The following MTUS2 variants were observed in gnomAD, a reference collection of about 807,000 sequenced individuals.
MTUS2 encodes microtubule-associated tumor suppressor candidate 2.
Under a neutral mutation model 114.1 loss-of-function variants are expected in MTUS2, and 40 were observed. The observed-to-expected ratio is 0.35, with a 90% CI of 0.27 to 0.46. The LOEUF is 0.46. Among genes scored for constraint, MTUS2 ranks in the 20% least tolerant of loss-of-function variants. The probability of loss-of-function intolerance (pLI) is 1.00; values close to 1 mark genes in which losing one functional copy is unlikely to be tolerated. For missense variants in MTUS2, 1,679 were observed against 1,705.4 expected, an observed-to-expected ratio of 0.98 and a Z score of 0.27; for synonymous variants, 688 against 672.0, an observed-to-expected ratio of 1.02 and a Z score of -0.37.
At chr13:29,459,159 C>T (rs7335252) in intron 9 of MTUS2, among the ~76,000 whole-genome samples, 9,787 of 152,270 alleles carry the variant, frequency 0.064, 355 homozygotes, top group African/African-American at 0.086. Context: ...AAAATGGAGC[C>T]TCTAGTGGGG....
At chr13:29,137,471 G>A (rs563158714) in intron 5 of MTUS2, among the ~76,000 whole-genome samples, 12 of 151,762 alleles carry the variant, frequency 7.9e-5, no homozygotes, top group Non-Finnish European at 1.3e-4. Context: ...TGGGACTACC[G>A]CAGTGTATTG....
At chr13:29,297,774 A>G (rs1053929935) in intron 6 of MTUS2, among the ~76,000 whole-genome samples, 1 of 152,192 alleles carries the variant, frequency 6.6e-6, no homozygotes, top group Non-Finnish European at 1.5e-5. Context: ...ATCCACTCCT[A>G]TAATATTGAT....
chr13:28,838,057 C>T (rs942845600), intron 1 of MTUS2, among the ~76,000 whole-genome samples: 11 of 152,128 alleles, frequency 7.2e-5, no homozygotes, highest in African/African-American at 2.7e-4. Flanking sequence ...TGATTTTAAT[C>T]TTACATCTTA....
At chr13:29,460,332 A>G (rs1244547699) in intron 9 of MTUS2, among the ~76,000 whole-genome samples, 1 of 152,036 alleles carries the variant, frequency 6.6e-6, no homozygotes, top group Non-Finnish European at 1.5e-5. Flanking sequence ...CTCCAATCAT[A>G]ATGGCTGCCA....
chr13:29,433,018 C>T (rs1212336939), intron 8 of MTUS2, among the ~76,000 whole-genome samples: 4 of 152,160 alleles, frequency 2.6e-5, no homozygotes, highest in Admixed American at 2.6e-4. Context: ...TGGATTAAAA[C>T]GCAGGCAACT....
rs35983023 is a variant in MTUS2 at position 29,488,437 on chromosome 13, CTTTTTTTTTTTT to C, written c.3505+442_3505+453del. Among the ~76,000 whole-genome samples, 8 of 113,772 alleles carry C rather than the reference CTTTTTTTTTTTT, an allele frequency of 7.0e-5. No individual in the cohort carries two copies. The East Asian group carries it at 1.4e-3, about 20-fold the overall frequency. The allele number at this position is 113,772 out of a possible 152,430, so 74.6% of individuals were successfully genotyped here. A position where few individuals can be genotyped will look rare whatever the true frequency, so the allele number is the denominator to read the frequency against. On this transcript the variant is annotated intron_variant, in intron 11 of 15. Transcript: ENST00000612955. Reference sequence around the variant, plus strand: ...GAAATCGTGCACTTTTTTTTTTCCTCTTTTTTTTTTTTTTTTTTTTTGAGACAGAGTCTCACT... The same window carrying C: ...GAAATCGTGCACTTTTTTTTTTCCTCTTTTTTTTTGAGACAGAGTCTCACT...
rs147335619 is a variant in MTUS2 at position 29,093,471 on chromosome 13, T to C, written c.2447-7302T>C. Among the ~76,000 whole-genome samples, 1,441 of 152,064 alleles carry C rather than the reference T, an allele frequency of 9.5e-3. 22 individuals carry two copies. The highest frequency in any genetic ancestry group is 0.033 in the African/African-American group (1,369 of 41,478). On this transcript the variant is annotated intron_variant, in intron 4 of 15. Coordinates refer to ENST00000612955, the MANE Select transcript of MTUS2 (RefSeq NM_001033602.4). ...AAACAGAAAACAAAAAACTATGGAG[T>C]CTGATCGTTTATGATAATTCCTAAG...
At chr13:29,041,170 G>A (rs946034475) in intron 4 of MTUS2, among the ~76,000 whole-genome samples, 1 of 151,624 alleles carries the variant, frequency 6.6e-6, no homozygotes, top group East Asian at 1.9e-4. Flanking sequence ...CATTATTCTT[G>A]CCAATTATCC....
chr13:29,283,544 ATCAACCCTATAGCCCAGTGTTTC>A (rs1898359264), intron 6 of MTUS2, among the ~76,000 whole-genome samples: 5 of 152,208 alleles, frequency 3.3e-5, no homozygotes, highest in African/African-American at 1.2e-4. Flanking sequence ...CGGTGGTTGA[ATCAACCCTATAGCCCAGTGTTTC>A]TCAAGCTTTA....
At chr13:29,000,240 G>A (rs1001846002) in intron 2 of MTUS2, among the ~76,000 whole-genome samples, 6 of 152,132 alleles carry the variant, frequency 3.9e-5, no homozygotes, top group Non-Finnish European at 7.3e-5. Flanking sequence ...TTTCTTGCAC[G>A]GCAGGTATAG....
At chr13:29,032,980 A>G (rs1368099250) in intron 3 of MTUS2, among the ~76,000 whole-genome samples, 1 of 152,214 alleles carries the variant, frequency 6.6e-6, no homozygotes, top group Non-Finnish European at 1.5e-5. Context: ...CACTGATAAT[A>G]TGAACAGACT....
At chr13:29,176,450 C>T (rs527991606) in intron 5 of MTUS2, among the ~76,000 whole-genome samples, 21 of 152,258 alleles carry the variant, frequency 1.4e-4, no homozygotes, top group African/African-American at 3.4e-4. Context: ...CTATCTCGTG[C>T]GGCTCACAGA....
At chr13:28,917,757 A>G (rs1033026550) in intron 2 of MTUS2, among the ~76,000 whole-genome samples, 4 of 151,714 alleles carry the variant, frequency 2.6e-5, no homozygotes, top group African/African-American at 9.7e-5. Flanking sequence ...TTAGTCTACT[A>G]ATTTTGGGTT....
In MTUS2 at chr13:29,086,441, G is replaced by A. The variant is rs372185473; in HGVS notation, c.2447-14332G>A. 2.0e-5 allele frequency among the ~76,000 whole-genome samples: 3 copies of A among 151,958 alleles called. No individual in the cohort carries two copies. The East Asian group carries it at 5.8e-4, about 29-fold the overall frequency. The stretch of plus-strand genomic sequence containing the variant: ...AAGTCTTCAAGATTGTAGGTGTGTG[G>A]TTTTTATTTCTGGCTTCTTTAACCT... On this transcript the variant is annotated intron_variant, in intron 4 of 15. Coordinates refer to ENST00000612955, the MANE Select transcript of MTUS2 (RefSeq NM_001033602.4).
chr13:28,922,192 G>A (rs1208722736), intron 2 of MTUS2, among the ~76,000 whole-genome samples: 2 of 152,076 alleles, frequency 1.3e-5, no homozygotes, highest in Admixed American at 6.5e-5. Context: ...TCCCCTTCAC[G>A]CTTCCACCAT....
chr13:29,164,696 AAAAG>A (rs1893241803), intron 5 of MTUS2, among the ~76,000 whole-genome samples: 1 of 152,218 alleles, frequency 6.6e-6, no homozygotes, highest in African/African-American at 2.4e-5. Context: ...CAGCATATTA[AAAAG>A]AGTGTGCTTT....
chr13:29,022,882 C>A (rs1886352299), intron 2 of MTUS2, among the ~76,000 whole-genome samples: 1 of 152,214 alleles, frequency 6.6e-6, no homozygotes, highest in African/African-American at 2.4e-5. Context: ...TGATCTTCCT[C>A]ATCATTCATT....
At chr13:29,087,822 G>A (rs1889758831) in intron 4 of MTUS2, among the ~76,000 whole-genome samples, 1 of 152,148 alleles carries the variant, frequency 6.6e-6, no homozygotes, top group Admixed American at 6.5e-5. Context: ...ACTCTGGTAG[G>A]CTGAGGCAGG....
intron 5 of MTUS2, among the ~76,000 whole-genome samples, chr13:29,144,293 T>G (rs376421549): frequency 1.7e-3 from 263 of 152,306 alleles, no homozygotes; most frequent in Non-Finnish European, 3.3e-3. Flanking sequence ...GTTTCTCTGT[T>G]CAGGGTCTCA....
Sources: allele counts gnomAD v4.1 joint callset (sites outside exome capture counted in the v4.1 genomes callset), GRCh38; gene constraint gnomAD v4.1.1; transcripts MANE v1.5; gene names NCBI Gene and HGNC (gene_info 2026-07-23, HGNC 2026-07-21).